The following MSN variants were observed in gnomAD, a reference collection of about 807,000 sequenced individuals.
MSN encodes moesin.
A neutral mutation model predicts 48.0 loss-of-function variants in MSN; 2 were observed. That is an observed-to-expected ratio of 0.04 (90% CI 0.02 to 0.13). The LOEUF (loss-of-function observed/expected upper bound fraction) is 0.13. Ranked by LOEUF, MSN falls within the 10% of genes least tolerant of loss-of-function variation. The pLI is 1.00. For synonymous variants in MSN, 146 were observed against 166.9 expected (o/e 0.87, Z 0.97); for missense variants, 267 against 470.1 (o/e 0.57, Z 3.99).
Position 65,739,775 on chromosome X carries a change from C to T in MSN, c.1616C>T (p.Thr539Ile). The T allele has an allele frequency of 8.3e-7, 1 of 1,211,343 alleles. No homozygotes were observed. The highest frequency in any genetic ancestry group is 1.1e-6 in the Non-Finnish European group (1 of 895,245). The change falls in exon 13 of 13, where the codon ACT becomes ATT. Residue 539 changes from threonine to isoleucine, a missense_variant. Physicochemically the swap from Thr to Ile is moderately conservative, Grantham distance 89 (BLOSUM62 -1). This residue lies in a region of MSN where 48 missense variants were observed against 115.5 expected (regional missense o/e 0.42). Coordinates refer to ENST00000360270, the MANE Select transcript of MSN (RefSeq NM_002444.3). ...LANARDESKK[T>I]ANDMIHAENM... ...AATGCCAGAGATGAGTCCAAGAAGA[C>T]TGCCAATGACATGATCCATGCTGAG...
chrX:65,606,198 T>C (rs1195023871), intron 1 of MSN, among the ~76,000 whole-genome samples: 25 of 108,457 alleles, frequency 2.3e-4, no homozygotes, highest in African/African-American at 7.7e-4. Context: ...GGCATGATCT[T>C]GGCTCACTGC....
At chrX:65,641,229 A>G (rs1048861325) in intron 1 of MSN, among the ~76,000 whole-genome samples, 1 of 109,668 alleles carries the variant, frequency 9.1e-6, no homozygotes, top group East Asian at 2.9e-4. Flanking sequence ...GTTAAAGCAA[A>G]TTCAAAAGAC....
chrX:65,708,159 A>G (rs1019093683), intron 1 of MSN, among the ~76,000 whole-genome samples: 9 of 110,627 alleles, frequency 8.1e-5, no homozygotes, highest in Non-Finnish European at 1.3e-4. Flanking sequence ...CCTAATTTTG[A>G]TTTTTTTAAC....
At chrX:65,686,708 C>T (rs1284194024) in intron 1 of MSN, among the ~76,000 whole-genome samples, 1 of 111,958 alleles carries the variant, frequency 8.9e-6, no homozygotes, top group South Asian at 3.7e-4. Context: ...CCACTTCTCC[C>T]GTTGGTAAAG....
chrX:65,713,129 C>T (rs2071430258), intron 1 of MSN, among the ~76,000 whole-genome samples: 1 of 111,867 alleles, frequency 8.9e-6, no homozygotes, highest in Admixed American at 9.5e-5. Flanking sequence ...CTACTGCTAC[C>T]ATTACTACTG....
intron 1 of MSN, among the ~76,000 whole-genome samples, chrX:65,657,869 G>A (rs1275464151): frequency 9.0e-6 from 1 of 111,674 alleles, no homozygotes; most frequent in African/African-American, 3.3e-5. Context: ...GACACTACCT[G>A]GGCCCAGATC....
intron 1 of MSN, among the ~76,000 whole-genome samples, chrX:65,623,368 C>CTTTTTTTTTT (rs773663630): frequency 5.4e-5 from 4 of 74,160 alleles, no homozygotes; most frequent in African/African-American, 1.4e-4. Flanking sequence ...TCTTTCTTTT[C>CTTTTTTTTTT]TTTTTTTTTT....
At chrX:65,597,582 A>G (rs1009836043) in intron 1 of MSN, among the ~76,000 whole-genome samples, 5 of 107,676 alleles carry the variant, frequency 4.6e-5, no homozygotes, top group African/African-American at 1.4e-4. Context: ...TCCTAGGCTC[A>G]AGCGATCTTC....
chrX:65,603,001 A>C (rs1469714584), intron 1 of MSN, among the ~76,000 whole-genome samples: 1 of 112,186 alleles, frequency 8.9e-6, no homozygotes, highest in Non-Finnish European at 1.9e-5. Flanking sequence ...TTACACAGAA[A>C]GTGAATTCCA....
Position 65,738,600 on chromosome X carries a change from G to A in MSN, c.1327G>A (p.Val443Met). ...MARQKKESEA[V>M]EWQQKAQMVQ... Reference sequence around the variant, plus strand: ...CCGACAGAAGAAGGAGAGTGAGGCTGTGGAGTGGCAGCAGAAGGTAAGACA... The same window carrying A: ...CCGACAGAAGAAGGAGAGTGAGGCTATGGAGTGGCAGCAGAAGGTAAGACA... Residue 443 changes from valine (V) to methionine (M), a missense_variant, in exon 11 of 13, where the codon GTG (valine) becomes ATG (methionine). By Grantham distance (21) the Val-to-Met change is conservative (BLOSUM62 1). This residue lies in a region of MSN where 70 missense variants were observed against 76.3 expected (regional missense o/e 0.92). Transcript: ENST00000360270. The A allele has an allele frequency of 8.3e-7, 1 of 1,208,928 alleles. No homozygotes were observed. The highest frequency in any genetic ancestry group is 1.1e-6 in the Non-Finnish European group (1 of 893,824).
At chrX:65,608,044 C>T (rs771768793) in intron 1 of MSN, among the ~76,000 whole-genome samples, 1 of 112,081 alleles carries the variant, frequency 8.9e-6, no homozygotes, top group East Asian at 2.8e-4. Flanking sequence ...ATAGCCCTAC[C>T]AGACTGCCCT....
chrX:65,640,227 G>C (rs927133195), intron 1 of MSN, among the ~76,000 whole-genome samples: 2 of 111,583 alleles, frequency 1.8e-5, no homozygotes, highest in Non-Finnish European at 3.8e-5. Flanking sequence ...TTTCCCTCAC[G>C]TTCCTGTTTC....
chrX:65,642,350 GGTGTGTGTGTGTGT>G (rs61644801), intron 1 of MSN, among the ~76,000 whole-genome samples: 5 of 96,202 alleles, frequency 5.2e-5, no homozygotes, highest in Admixed American at 2.3e-4. Context: ...TGTACATTAT[GGTGTGTGTGTGTGT>G]GTGTGTGTGT....
upstream of MSN, among the ~76,000 whole-genome samples, chrX:65,663,917 G>A (rs920870000): frequency 9.1e-5 from 10 of 109,424 alleles, no homozygotes; most frequent in South Asian, 4.0e-4. Flanking sequence ...AAAATTAGCC[G>A]GGCATGGTGG....
At chrX:65,622,190 G>A (rs1288774871) in intron 1 of MSN, among the ~76,000 whole-genome samples, 31 of 107,119 alleles carry the variant, frequency 2.9e-4, no homozygotes, top group African/African-American at 1.0e-3. Flanking sequence ...TGCCTCCTGG[G>A]TTCAAACAAT....
chrX:65,701,467 A>ATT (rs2071303121), intron 1 of MSN, among the ~76,000 whole-genome samples: 5 of 111,966 alleles, frequency 4.5e-5, no homozygotes, highest in Non-Finnish European at 9.4e-5. Context: ...CTGTTCTCTC[A>ATT]TTTCAACAGC....
At chrX:65,645,119 GGCTTGGT>G (rs2070685601) in intron 1 of MSN, among the ~76,000 whole-genome samples, 3 of 111,618 alleles carry the variant, frequency 2.7e-5, no homozygotes, top group African/African-American at 3.3e-5. Context: ...CCCCTGTCTG[GGCTTGGT>G]TTAGGCTGAG....
chrX:65,620,989 G>C (rs2070438062), intron 1 of MSN, among the ~76,000 whole-genome samples: 1 of 106,038 alleles, frequency 9.4e-6, no homozygotes, highest in Non-Finnish European at 2.0e-5. Flanking sequence ...GTAGTGGTGT[G>C]ATCTCGGCTC....
intron 1 of MSN, among the ~76,000 whole-genome samples, chrX:65,648,484 C>CAG (rs990427476): frequency 1.8e-5 from 2 of 111,251 alleles, no homozygotes; most frequent in Admixed American, 1.9e-4. Context: ...ATCTGGGAGG[C>CAG]AGAGGTTGCA....
Sources: allele counts gnomAD v4.1 joint callset (sites outside exome capture counted in the v4.1 genomes callset), GRCh38; gene constraint gnomAD v4.1.1; regional missense constraint gnomAD v4.1.1; transcripts MANE v1.5; gene names NCBI Gene and HGNC (gene_info 2026-07-23, HGNC 2026-07-21).